Variants in PTPRZ1 observed in about 807,000 individuals in gnomAD.
The protein encoded by PTPRZ1 is receptor-type tyrosine-protein phosphatase zeta.
A neutral mutation model predicts 214.1 loss-of-function variants in PTPRZ1; 82 were observed. That is an observed-to-expected ratio of 0.38 (90% CI 0.32 to 0.46). The LOEUF (loss-of-function observed/expected upper bound fraction) is 0.46, where lower values mean the gene tolerates loss of function less well. Among genes scored for constraint, PTPRZ1 ranks in the 20% least tolerant of loss-of-function variants. The pLI is 1.00. For synonymous variants in PTPRZ1, 945 were observed against 987.9 expected, an observed-to-expected ratio of 0.96 and a Z score of 0.81; for missense variants, 2,603 against 2,748.7, an observed-to-expected ratio of 0.95 and a Z score of 1.19.
At position 121,888,328 on chromosome 7, in the gene PTPRZ1, G is replaced by A. The variant is rs78136624; in HGVS notation, c.58+14771G>A. 6.8e-3 allele frequency among the ~76,000 whole-genome samples: 1,039 copies of A among 151,722 alleles called. 6 individuals carry two copies. The highest frequency in any genetic ancestry group is 0.032 in the South Asian group (153 of 4,806). ...CCAGTAAGACATGTAAAACAGTAAG[G>A]GACTGTGAAAAAAATAGATTGTGAA... On this transcript the variant is annotated intron_variant, in intron 1 of 29. Coordinates refer to ENST00000393386, the MANE Select transcript of PTPRZ1 (RefSeq NM_002851.3).
rs142841111 is a variant in PTPRZ1 at position 122,054,451 on chromosome 7, G to C, written c.6381+413G>C. ...CTAGTTAGAATTAAGTGATTTCCTA[G>C]TATAGGAAGGACTTTTTTAGTATAA... On this transcript the variant is annotated intron_variant, in intron 26 of 29. Coordinates refer to ENST00000393386, the MANE Select transcript of PTPRZ1 (RefSeq NM_002851.3). Among the ~76,000 whole-genome samples the C allele has an allele frequency of 6.5e-3, 990 of 152,084 alleles. 21 individuals are homozygous for C. Among genetic ancestry groups the C allele is most frequent in the African/African-American group, 0.021 (892 of 41,500 alleles).
intron 2 of PTPRZ1, among the ~76,000 whole-genome samples, chr7:121,948,782 A>G (rs1267297191): frequency 6.8e-6 from 1 of 148,028 alleles, no homozygotes; most frequent in African/African-American, 2.5e-5. Flanking sequence ...TTTAGGTAAT[A>G]TTCCTGAGGA....
At chr7:121,882,414 G>A (rs1794269731) in intron 1 of PTPRZ1, among the ~76,000 whole-genome samples, 1 of 152,178 alleles carries the variant, frequency 6.6e-6, no homozygotes, top group Non-Finnish European at 1.5e-5. Context: ...AATGGATAGA[G>A]CTTCAGGGGT....
At position 121,873,328 on chromosome 7, in the gene PTPRZ1, T is replaced by TCACA. The variant is rs35113798; in HGVS notation, c.-153_-150dup. 8.1e-3 allele frequency: 4,303 copies of TCACA among 532,486 alleles called. 12 individuals are homozygous for TCACA. Among genetic ancestry groups the TCACA allele is most frequent in the South Asian group, 0.022 (871 of 40,276 alleles). The allele number at this position is 532,486 out of a possible 1,614,324, so 33.0% of individuals were successfully genotyped here. ...GTCTCTGTCTCTGTCTCTCTCTCTC[T>TCACA]CACACACACACACACACACACAAAC... On this transcript the variant is annotated 5_prime_UTR_variant, in exon 1 of 30. Transcript: ENST00000393386.
intron 12 of PTPRZ1, among the ~76,000 whole-genome samples, chr7:122,014,322 A>C (rs909090936): frequency 6.6e-6 from 1 of 152,146 alleles, no homozygotes; most frequent in Non-Finnish European, 1.5e-5. Flanking sequence ...TGAATTATTA[A>C]ATCTGAGAGT....
At chr7:121,973,242 T>A (rs1288787327) in intron 4 of PTPRZ1, among the ~76,000 whole-genome samples, 1 of 152,072 alleles carries the variant, frequency 6.6e-6, no homozygotes, top group Non-Finnish European at 1.5e-5. Context: ...AATATAATAT[T>A]GAACCAAAAG....
At chr7:121,874,805 T>C (rs377028299) in intron 1 of PTPRZ1, among the ~76,000 whole-genome samples, 1 of 152,214 alleles carries the variant, frequency 6.6e-6, no homozygotes, top group Non-Finnish European at 1.5e-5. Flanking sequence ...CTGGTCTCCA[T>C]TGATTCTAAA....
At chr7:121,906,825 C>T (rs1795130930) in intron 1 of PTPRZ1, among the ~76,000 whole-genome samples, 1 of 152,128 alleles carries the variant, frequency 6.6e-6, no homozygotes, top group South Asian at 2.1e-4. Flanking sequence ...GTTTTGCTCA[C>T]ACTATTTTTA....
At chr7:121,935,780 G>A (rs1242064828) in intron 2 of PTPRZ1, among the ~76,000 whole-genome samples, 1 of 152,090 alleles carries the variant, frequency 6.6e-6, no homozygotes, top group African/African-American at 2.4e-5. Flanking sequence ...GTGTTAGCCA[G>A]GATGGTCTCA....
rs778587535 is a variant in PTPRZ1, at chr7:122,028,627, T to G, written c.5064T>G (p.Pro1688=). Residue 1688 remains proline (P), a synonymous_variant, in exon 14 of 30, where the codon CCT becomes CCG. Coordinates refer to ENST00000393386, the MANE Select transcript of PTPRZ1 (RefSeq NM_002851.3). The part of the protein sequence containing the change: ...SPRVISTPPT[P]IFPISDDVGA... ...GAGTTATATCCACACCTCCAACACC[T>G]ATCTTTCCAATTTCAGGTAATGGCT... The G allele has an allele frequency of 6.5e-7, 1 of 1,534,092 alleles. No homozygotes were observed. The highest frequency in any genetic ancestry group is 1.4e-5 in the African/African-American group (1 of 73,076).
Position 122,011,345 on chromosome 7 carries a change from G to A in PTPRZ1, c.2299G>A (p.Val767Ile). ...TCTTCAACCTTCCTACAGTAGTGAAGTCTTTCCTCTAGTCACCCCTTTGTT... is the reference window on the plus strand; with the variant it reads ...TCTTCAACCTTCCTACAGTAGTGAAATCTTTCCTCTAGTCACCCCTTTGTT... ...TPLQPSYSSE[V>I]FPLVTPLLLD... The change falls in exon 12 of 30, where the codon GTC becomes ATC. Residue 767 changes from valine (V) to isoleucine (I), a missense_variant. Around this residue, in one of 6 missense-constraint regions of PTPRZ1, gnomAD observed 1,913 missense variants for 1,914.3 expected, o/e 1.00. Transcript: ENST00000393386. 6.2e-7 allele frequency: 1 copy of A among 1,614,128 alleles called. No individual in the cohort carries two copies. The highest frequency in any genetic ancestry group is 8.5e-7 in the Non-Finnish European group (1 of 1,180,016).
chr7:121,994,983 GTATA>G (rs146804821), intron 8 of PTPRZ1, among the ~76,000 whole-genome samples: 3 of 151,366 alleles, frequency 2.0e-5, no homozygotes, highest in Non-Finnish European at 2.9e-5. Flanking sequence ...TTTGTAAAAG[GTATA>G]TATATATATT....
intron 8 of PTPRZ1, among the ~76,000 whole-genome samples, chr7:121,995,582 GTC>G (rs1798107415): frequency 6.6e-6 from 1 of 152,158 alleles, no homozygotes; most frequent in Admixed American, 6.6e-5. Context: ...ATTTTAAGAA[GTC>G]TCTGAATGAT....
rs371999813 is a variant in PTPRZ1, at chr7:122,010,373, G to T, written c.1327G>T (p.Val443Leu). The stretch of plus-strand genomic sequence containing the variant: ...AAAAGACATTGAAGAAGGCGCTATT[G>T]TGAATCCTGGTAGAGACAGTGCTAC... ...EGKDIEEGAI[V>L]NPGRDSATNQ... The change falls in exon 12 of 30, where the codon GTG (valine) becomes TTG (leucine). Residue 443 changes from valine (V) to leucine (L), a missense_variant. Coordinates refer to ENST00000393386, the MANE Select transcript of PTPRZ1 (RefSeq NM_002851.3). 1.7e-5 allele frequency: 27 copies of T among 1,612,808 alleles called. No individual in the cohort carries two copies. Among genetic ancestry groups the T allele is most frequent in the Middle Eastern group, 1.6e-4 (1 of 6,070 alleles).
chr7:121,957,782 TCTC>T (rs1301380407), intron 2 of PTPRZ1, among the ~76,000 whole-genome samples: 1 of 152,166 alleles, frequency 6.6e-6, no homozygotes, highest in East Asian at 1.9e-4. Context: ...CTGCCAAACT[TCTC>T]CTCCCATGTG....
chr7:122,012,309 C>T lies in PTPRZ1; in HGVS notation c.3263C>T (p.Thr1088Ile), dbSNP rs1562861788. The change falls in exon 12 of 30, where the codon ACC becomes ATC. Residue 1088 changes from threonine (T) to isoleucine (I), a missense_variant. This residue lies in a region of PTPRZ1 where 1,913 missense variants were observed against 1,914.3 expected (regional missense o/e 1.00). Coordinates refer to ENST00000393386, the MANE Select transcript of PTPRZ1 (RefSeq NM_002851.3). ...AAGTTGAATGCGTCTTTACAAGAAA[C>T]CTCTGTTTCCATTTCTAGCACCAAG... ...VNKLNASLQE[T>I]SVSISSTKGM... 6.2e-7 allele frequency: 1 copy of T among 1,614,066 alleles called. No homozygotes were observed. The highest frequency in any genetic ancestry group is 1.7e-5 in the Admixed American group (1 of 60,016).
chr7:121,968,239 A>G, intron 3 of PTPRZ1, 109 bp downstream of exon 3: 1 of 934,096 alleles, frequency 1.1e-6, no homozygotes, highest in East Asian at 2.9e-5. Context: ...AACTAGATAG[A>G]AGTTACATGT....
chr7:121,928,255 G>T, intron 2 of PTPRZ1, 34 bp downstream of exon 2: 1 of 1,489,112 alleles, frequency 6.7e-7, no homozygotes. Context: ...AGATTTAGCA[G>T]AAACTTTTAT....
intron 1 of PTPRZ1, among the ~76,000 whole-genome samples, chr7:121,899,627 G>A (rs1447671718): frequency 6.6e-6 from 1 of 152,106 alleles, no homozygotes; most frequent in Admixed American, 6.6e-5. Context: ...CAGAGAAGAT[G>A]GGAACTTGGG....
Sources: allele counts gnomAD v4.1 joint callset (sites outside exome capture counted in the v4.1 genomes callset), GRCh38; gene constraint gnomAD v4.1.1; regional missense constraint gnomAD v4.1.1; transcripts MANE v1.5; gene names NCBI Gene and HGNC (gene_info 2026-07-23, HGNC 2026-07-21).